FOXN3: variants seen among roughly 807,000 people sequenced by gnomAD.
FOXN3 encodes the protein forkhead box protein N3.
Under a neutral mutation model 38.4 loss-of-function variants are expected in FOXN3, and 7 were observed. The ratio of observed to expected loss-of-function variants is 0.18; its 90% CI spans 0.10 to 0.34. The LOEUF (loss-of-function observed/expected upper bound fraction) is 0.34, where lower values mean the gene tolerates loss of function less well. Among genes scored for constraint, FOXN3 ranks in the 10% least tolerant of loss-of-function variants. The probability of loss-of-function intolerance (pLI) is 1.00; values close to 1 mark genes in which losing one functional copy is unlikely to be tolerated. For missense variants in FOXN3, 456 were observed against 613.4 expected, an observed-to-expected ratio of 0.74 and a Z score of 2.71; for synonymous variants, 230 against 242.2, an observed-to-expected ratio of 0.95 and a Z score of 0.47.
intron 4 of FOXN3, among the ~76,000 whole-genome samples, chr14:89,190,770 G>A (rs372048896): frequency 2.0e-4 from 31 of 152,136 alleles, no homozygotes; most frequent in African/African-American, 7.0e-4. Flanking sequence ...TTTACCGTGG[G>A]GTGAGGAGCA....
chr14:89,595,144 G>C (rs1001439012), intron 1 of FOXN3, among the ~76,000 whole-genome samples: 3 of 149,890 alleles, frequency 2.0e-5, no homozygotes, highest in Middle Eastern at 3.4e-3. Context: ...GTGAAACCCC[G>C]TCTCTACTAA....
Position 89,524,517 on chromosome 14 carries a change from T to TC in FOXN3, c.-15+94510_-15+94511insG, listed in dbSNP as rs1894397916. Among the ~76,000 whole-genome samples the TC allele has an allele frequency of 3.2e-5, 4 of 124,882 alleles. No individual in the cohort carries two copies. The South Asian group carries it at 1.1e-3, about 33-fold the overall frequency. The allele number at this position is 124,882 out of a possible 152,430, so 81.9% of individuals were successfully genotyped here. A position where few individuals can be genotyped will look rare whatever the true frequency, so the allele number is the denominator to read the frequency against. Reference sequence around the variant, plus strand: ...AACAAAATTAGGGAAAAAAATCAAATAAAAACAAAAGCTGGTTCCTTGGGA... The same window carrying TC: ...AACAAAATTAGGGAAAAAAATCAAATCAAAAACAAAAGCTGGTTCCTTGGGA... On this transcript the variant is annotated intron_variant, in intron 1 of 6. Transcript: ENST00000345097.
intron 2 of FOXN3, among the ~76,000 whole-genome samples, chr14:89,360,852 TCCACCACCACCTCCACCACC>T (rs1566966630): frequency 8.9e-4 from 18 of 20,250 alleles, no homozygotes; most frequent in African/African-American, 4.3e-3. Context: ...CAGCACCACC[TCCACCACCACCTCCACCACC>T]ACCTCCACCA....
rs1887172546 is a variant in FOXN3, at chr14:89,300,178, T to C, written c.681-19164A>G. On this transcript the variant is annotated intron_variant, in intron 3 of 5. Transcript: ENST00000557258. ...GGATTTCAAGCGAGATCAAGAAATG[T>C]ACTTTTTTTTTTTTTTTTTTTTGAG... Among the ~76,000 whole-genome samples, 4 of 139,284 alleles carry C rather than the reference T, an allele frequency of 2.9e-5. No individual in the cohort carries two copies. The South Asian group carries it at 6.8e-4, about 24-fold the overall frequency. 91.4% of individuals were successfully genotyped at this position (139,284 alleles called of 152,430 possible).
At chr14:89,591,540 T>C (rs1048632693) in intron 1 of FOXN3, among the ~76,000 whole-genome samples, 3 of 152,224 alleles carry the variant, frequency 2.0e-5, no homozygotes, top group African/African-American at 7.2e-5. Flanking sequence ...CAATAAGCTC[T>C]TCTGAACCTT....
chr14:89,448,686 C>A (rs1177789732), intron 1 of FOXN3, among the ~76,000 whole-genome samples: 1 of 152,038 alleles, frequency 6.6e-6, no homozygotes, highest in Non-Finnish European at 1.5e-5. Context: ...CACCTGTATT[C>A]TCAGCACTTT....
intron 1 of FOXN3, among the ~76,000 whole-genome samples, chr14:89,607,523 C>T (rs367880): frequency 6.7e-6 from 1 of 149,948 alleles, no homozygotes; most frequent in Non-Finnish European, 1.5e-5. Flanking sequence ...TACCCCACTG[C>T]ACTCCAGCCT....
rs192161297 is a variant in FOXN3 at position 89,496,834 on chromosome 14, T to C, written c.-14-84344A>G. The stretch of plus-strand genomic sequence containing the variant: ...GGTAGCCTTCATTCTACTTTGTCTC[T>C]ATGATTTTGACTCTTCTACCTCATA... On this transcript the variant is annotated intron_variant, in intron 1 of 6. Transcript: ENST00000345097. 1.8e-3 allele frequency among the ~76,000 whole-genome samples: 272 copies of C among 152,322 alleles called. 2 individuals are homozygous for C. Among genetic ancestry groups the C allele is most frequent in the Admixed American group, 0.015 (229 of 15,304 alleles).
intron 3 of FOXN3, among the ~76,000 whole-genome samples, chr14:89,331,510 A>T (rs1888247112): frequency 6.6e-6 from 1 of 152,106 alleles, no homozygotes; most frequent in Admixed American, 6.6e-5. Flanking sequence ...TGGTCTATGG[A>T]TTTAGCAAAA....
chr14:89,587,920 CAGAT>C (rs1456465491), intron 1 of FOXN3, among the ~76,000 whole-genome samples: 10 of 125,346 alleles, frequency 8.0e-5, no homozygotes, highest in East Asian at 2.5e-4. Context: ...GGTAAATTAA[CAGAT>C]AGAGCAATGG....
intron 5 of FOXN3, among the ~76,000 whole-genome samples, chr14:89,172,375 C>T (rs1340401743): frequency 6.6e-6 from 1 of 152,200 alleles, no homozygotes; most frequent in Non-Finnish European, 1.5e-5. Context: ...GTGCATGCCA[C>T]TGCACCTAGC....
chr14:89,322,083 G>C (rs903524782), intron 3 of FOXN3, among the ~76,000 whole-genome samples: 9 of 152,230 alleles, frequency 5.9e-5, no homozygotes, highest in African/African-American at 2.2e-4. Context: ...CAGGGCCACA[G>C]TTGCCTTAAA....
intron 1 of FOXN3, among the ~76,000 whole-genome samples, chr14:89,606,882 T>C (rs971632741): frequency 8.6e-5 from 13 of 152,008 alleles, no homozygotes; most frequent in Non-Finnish European, 1.3e-4. Context: ...TAAAACTGTA[T>C]ACCTGCCTCA....
chr14:89,259,640 C>A (rs7146342), intron 4 of FOXN3, among the ~76,000 whole-genome samples: 1 of 151,860 alleles, frequency 6.6e-6, no homozygotes, highest in Non-Finnish European at 1.5e-5. Flanking sequence ...TGGAACTAGG[C>A]GGGATATGTT....
At chr14:89,234,586 G>A (rs1318500463) in intron 4 of FOXN3, among the ~76,000 whole-genome samples, 3 of 151,882 alleles carry the variant, frequency 2.0e-5, no homozygotes, top group African/African-American at 7.3e-5. Flanking sequence ...GAATTCTCAT[G>A]ATATCTGGTT....
At chr14:89,191,825 C>T (rs946197581) in intron 4 of FOXN3, among the ~76,000 whole-genome samples, 8 of 149,914 alleles carry the variant, frequency 5.3e-5, no homozygotes, top group Non-Finnish European at 1.2e-4. Context: ...CTGTTACTTA[C>T]ATTCCATAAT....
At chr14:89,605,365 A>G (rs1227135961) in intron 1 of FOXN3, among the ~76,000 whole-genome samples, 4 of 152,188 alleles carry the variant, frequency 2.6e-5, no homozygotes, top group African/African-American at 9.6e-5. Flanking sequence ...GGATCTAGAA[A>G]TAAAATATCT....
chr14:89,607,516 C>T (rs1439445214), intron 1 of FOXN3, among the ~76,000 whole-genome samples: 5 of 150,932 alleles, frequency 3.3e-5, no homozygotes, highest in Non-Finnish European at 3.0e-5. Flanking sequence ...CCGAGATTAC[C>T]CCACTGCACT....
chr14:89,351,659 G>A lies in FOXN3; in HGVS notation c.544-851C>T, dbSNP rs55727209. Among the ~76,000 whole-genome samples the A allele has an allele frequency of 2.7e-3, 411 of 152,316 alleles. 2 individuals carry two copies. Among genetic ancestry groups the A allele is most frequent in the Non-Finnish European group, 4.7e-3 (319 of 68,028 alleles). On this transcript the variant is annotated intron_variant, in intron 2 of 5. Transcript: ENST00000557258. ...CCGACGGGCAATCGTTCCTCTGGCC[G>A]CACACTTTCAAGTGACCGAATGTAC...
Sources: allele counts gnomAD v4.1 joint callset (sites outside exome capture counted in the v4.1 genomes callset), GRCh38; gene constraint gnomAD v4.1.1; transcripts MANE v1.5; gene names NCBI Gene and HGNC (gene_info 2026-07-23, HGNC 2026-07-21).